GALNT13: variants seen among roughly 807,000 people sequenced by gnomAD.
GALNT13 encodes UDP-GalNAc:polypeptide N-acetylgalactosaminyltransferase 13.
A neutral mutation model predicts 64.2 loss-of-function variants in GALNT13; 28 were observed. That is an observed-to-expected ratio of 0.44 (90% CI 0.32 to 0.60). The LOEUF (loss-of-function observed/expected upper bound fraction) is 0.60. GALNT13 is among the 20% of genes least tolerant of loss of function. The probability of loss-of-function intolerance (pLI) is 0.05; values close to 1 mark genes in which losing one functional copy is unlikely to be tolerated. For synonymous variants in GALNT13, 214 were observed against 224.6 expected (o/e 0.95, Z 0.42); for missense variants, 577 against 669.8 (o/e 0.86, Z 1.53).
At chr2:153,167,091 A>G in the GALNT13 span, among the ~76,000 whole-genome samples, 2 of 152,200 alleles carry the variant, frequency 1.3e-5, no homozygotes, top group South Asian at 4.1e-4. Context: ...TGTTGTTTTA[A>G]GCTGCTAAAT....
chr2:154,302,293 A>C (rs1366990340), intron 9 of GALNT13, among the ~76,000 whole-genome samples: 1 of 152,186 alleles, frequency 6.6e-6, no homozygotes, highest in Non-Finnish European at 1.5e-5. Flanking sequence ...TTAAAACAAA[A>C]AAAGCCAAAA....
At chr2:153,125,751 G>T in the GALNT13 span, among the ~76,000 whole-genome samples, 1 of 152,200 alleles carries the variant, frequency 6.6e-6, no homozygotes, top group African/African-American at 2.4e-5. Context: ...GAGACTTTAA[G>T]CCTATGTGTG....
the GALNT13 span, among the ~76,000 whole-genome samples, chr2:153,679,834 T>C: frequency 6.6e-6 from 1 of 151,964 alleles, no homozygotes; most frequent in East Asian, 1.9e-4. Context: ...TTCTCCATTT[T>C]CTCCTCTCTC....
At chr2:153,621,069 CAG>C in the GALNT13 span, among the ~76,000 whole-genome samples, 1 of 152,078 alleles carries the variant, frequency 6.6e-6, no homozygotes, top group Non-Finnish European at 1.5e-5. Flanking sequence ...GATTACCAGA[CAG>C]AGACTCTTGT....
At chr2:153,213,922 C>A in the GALNT13 span, among the ~76,000 whole-genome samples, 1 of 152,128 alleles carries the variant, frequency 6.6e-6, no homozygotes, top group African/African-American at 2.4e-5. Context: ...GAATATACAA[C>A]CCTGTGCTGA....
the GALNT13 span, among the ~76,000 whole-genome samples, chr2:153,722,146 A>G: frequency 6.8e-6 from 1 of 146,874 alleles, no homozygotes; most frequent in Non-Finnish European, 1.5e-5. Flanking sequence ...ACTCAGGATT[A>G]AGAATCTCAC....
At chr2:153,162,934 C>A in the GALNT13 span, among the ~76,000 whole-genome samples, 1 of 152,152 alleles carries the variant, frequency 6.6e-6, no homozygotes, top group African/African-American at 2.4e-5. Flanking sequence ...TCAATTACAG[C>A]TGAGAGAGGC....
intron 10 of GALNT13, among the ~76,000 whole-genome samples, chr2:154,400,418 A>G (rs1173093023): frequency 6.6e-6 from 1 of 152,144 alleles, no homozygotes; most frequent in African/African-American, 2.4e-5. Context: ...TTCAAACTCT[A>G]TTTGATATTG....
At chr2:154,111,791 T>C (rs1703000464) in intron 3 of GALNT13, among the ~76,000 whole-genome samples, 1 of 152,196 alleles carries the variant, frequency 6.6e-6, no homozygotes, top group Non-Finnish European at 1.5e-5. Context: ...CTGCAAAGTA[T>C]TGTCACCTAG....
At chr2:153,203,107 C>T in the GALNT13 span, among the ~76,000 whole-genome samples, 1 of 152,156 alleles carries the variant, frequency 6.6e-6, no homozygotes, top group Non-Finnish European at 1.5e-5. Context: ...TGTTACTTGT[C>T]TGCTTTCAAG....
the GALNT13 span, among the ~76,000 whole-genome samples, chr2:153,837,916 A>G: frequency 6.6e-6 from 1 of 151,980 alleles, no homozygotes; most frequent in Non-Finnish European, 1.5e-5. Context: ...CTTTTCTCCA[A>G]TCCTCACCAA....
At chr2:154,195,433 A>G (rs1367349235) in intron 4 of GALNT13, among the ~76,000 whole-genome samples, 1 of 152,176 alleles carries the variant, frequency 6.6e-6, no homozygotes, top group Non-Finnish European at 1.5e-5. Flanking sequence ...ATCCACATCA[A>G]TAAATGACTC....
chr2:153,981,155 G>C (rs1694434020), intron 3 of GALNT13, among the ~76,000 whole-genome samples: 1 of 151,782 alleles, frequency 6.6e-6, no homozygotes, highest in African/African-American at 2.4e-5. Flanking sequence ...TACTAGATTG[G>C]AGCTACTGCT....
At chr2:154,329,993 C>T (rs979181568) in intron 9 of GALNT13, among the ~76,000 whole-genome samples, 22 of 152,034 alleles carry the variant, frequency 1.4e-4, no homozygotes, top group African/African-American at 4.6e-4. Context: ...ATTACCTGGC[C>T]TCAGGTATTT....
intron 2 of GALNT13, among the ~76,000 whole-genome samples, chr2:153,906,622 C>T (rs1688582938): frequency 6.6e-6 from 1 of 151,914 alleles, no homozygotes. Flanking sequence ...ATATGTGCCA[C>T]ATTTTCTTAA....
At chr2:153,276,373 ATTTAC>A in the GALNT13 span, among the ~76,000 whole-genome samples, 1 of 152,074 alleles carries the variant, frequency 6.6e-6, no homozygotes, top group African/African-American at 2.4e-5. Flanking sequence ...TAAATTCTAT[ATTTAC>A]TTTTAATAAC....
the GALNT13 span, among the ~76,000 whole-genome samples, chr2:153,480,535 T>C: frequency 6.6e-6 from 1 of 152,154 alleles, no homozygotes; most frequent in Non-Finnish European, 1.5e-5. Flanking sequence ...TACCTCACTC[T>C]CGGCAATTTC....
At chr2:154,125,859 T>A (rs1383617978) in intron 3 of GALNT13, among the ~76,000 whole-genome samples, 2 of 152,316 alleles carry the variant, frequency 1.3e-5, no homozygotes, top group East Asian at 3.9e-4. Context: ...CATAGCTTGC[T>A]TTAAAGTCCC....
the GALNT13 span, among the ~76,000 whole-genome samples, chr2:153,569,005 T>A: frequency 2.0e-5 from 3 of 152,210 alleles, no homozygotes; most frequent in Non-Finnish European, 4.4e-5. Flanking sequence ...CCACAGTGCA[T>A]TTATGCTAAT....
Sources: allele counts gnomAD v4.1 joint callset (sites outside exome capture counted in the v4.1 genomes callset), GRCh38; gene constraint gnomAD v4.1.1; transcripts MANE v1.5; gene names NCBI Gene and HGNC (gene_info 2026-07-23, HGNC 2026-07-21).